Variants in SENP6 observed in about 807,000 individuals in gnomAD.
SENP6 encodes the protein SUMO specific peptidase 6.
In SENP6, 41 loss-of-function variants were observed where a neutral mutation model predicts 134.5. That is an observed-to-expected ratio of 0.30 (90% CI 0.24 to 0.40). The LOEUF (loss-of-function observed/expected upper bound fraction) is 0.40. Ranked by LOEUF, SENP6 falls within the 10% of genes least tolerant of loss-of-function variation. The pLI is 1.00. For missense variants in SENP6, 1,248 were observed against 1,312.5 expected (o/e 0.95, Z 0.76); for synonymous variants, 395 against 429.8 (o/e 0.92, Z 1.00).
Position 75,703,386 on chromosome 6 carries a change from T to A in SENP6, c.2716+314T>A, listed in dbSNP as rs1775176944. ...AATTTATACTGAGGTATAATTATAA[T>A]AGCATTCACTCATTTAATGAGTGTA... is the stretch of plus-strand genomic sequence containing the variant. On this transcript the variant is annotated intron_variant, in intron 19 of 23. Coordinates refer to ENST00000447266, the MANE Select transcript of SENP6 (RefSeq NM_015571.4). Among the ~76,000 whole-genome samples, 8 of 152,364 alleles carry A rather than the reference T, an allele frequency of 5.3e-5. No homozygotes were observed. The South Asian group carries it at 1.7e-3, about 32-fold the overall frequency.
At chr6:75,649,523 G>A (rs1770708617) in intron 7 of SENP6, among the ~76,000 whole-genome samples, 1 of 152,012 alleles carries the variant, frequency 6.6e-6, no homozygotes, top group African/African-American at 2.4e-5. Flanking sequence ...TTTGTTTGTT[G>A]TTGTTGTTTT....
At chr6:75,634,206 A>G (rs1244695395) in intron 4 of SENP6, among the ~76,000 whole-genome samples, 2 of 152,210 alleles carry the variant, frequency 1.3e-5, no homozygotes, top group Non-Finnish European at 2.9e-5. Flanking sequence ...CTCAATTTAT[A>G]CATAGACAAA....
At chr6:75,615,256 C>T (rs1582668512) in intron 1 of SENP6, among the ~76,000 whole-genome samples, 1 of 152,104 alleles carries the variant, frequency 6.6e-6, no homozygotes, top group Admixed American at 6.6e-5. Context: ...TCTCAGCTCA[C>T]TCAACCTCTG....
intron 19 of SENP6, among the ~76,000 whole-genome samples, chr6:75,708,359 A>T (rs534266177): frequency 1.0e-3 from 155 of 152,138 alleles, no homozygotes; most frequent in African/African-American, 3.6e-3. Flanking sequence ...TTATTAACTT[A>T]TACCAAAATT....
chr6:75,645,837 G>A (rs1198771567), intron 6 of SENP6, among the ~76,000 whole-genome samples: 1 of 152,072 alleles, frequency 6.6e-6, no homozygotes, highest in African/African-American at 2.4e-5. Flanking sequence ...AAAAAATATA[G>A]CAAATATTGA....
rs563400983 is a variant in SENP6, at chr6:75,684,262, T to A, written c.2075+5335T>A. On this transcript the variant is annotated intron_variant, in intron 16 of 23. Transcript: ENST00000447266. ...ACATTGATTTTGTATCCTGAGACTT[T>A]GCTGAAGTTGCTTATCAGCATAAGG... Among the ~76,000 whole-genome samples, 581 of 152,350 alleles carry A rather than the reference T, an allele frequency of 3.8e-3. 5 individuals carry two copies. The highest frequency in any genetic ancestry group is 6.8e-3 in the Middle Eastern group (2 of 294).
chr6:75,664,391 T>TA (rs1424358884), intron 9 of SENP6, among the ~76,000 whole-genome samples: 3 of 152,238 alleles, frequency 2.0e-5, no homozygotes, highest in African/African-American at 7.2e-5. Flanking sequence ...TGTACACACA[T>TA]ACGTCTGTAT....
In SENP6 at chr6:75,711,466, C is replaced by T. The variant is rs760440543; in HGVS notation, c.2909+50C>T. ...AAACTACATAATTTTTAAGTATGCTCATAAAACATAACAGGACAGTTTTTT... is the reference window on the plus strand; with the variant it reads ...AAACTACATAATTTTTAAGTATGCTTATAAAACATAACAGGACAGTTTTTT... On this transcript the variant is annotated intron_variant, in intron 21 of 23. Transcript: ENST00000447266. The T allele has an allele frequency of 5.8e-6, 7 of 1,200,382 alleles. No individual in the cohort carries two copies. In the Admixed American group the frequency reaches 8.4e-5, roughly 14 times the overall value. The allele number at this position is 1,200,382 out of a possible 1,614,324, so 74.4% of individuals were successfully genotyped here. A position where few individuals can be genotyped will look rare whatever the true frequency, so the allele number is the denominator to read the frequency against.
At chr6:75,650,425 C>T (rs1197994696) in intron 7 of SENP6, among the ~76,000 whole-genome samples, 1 of 152,186 alleles carries the variant, frequency 6.6e-6, no homozygotes, top group Non-Finnish European at 1.5e-5. Flanking sequence ...CTGATTTTAG[C>T]ATCCATTGGT....
intron 1 of SENP6, among the ~76,000 whole-genome samples, chr6:75,607,142 G>C (rs1433183150): frequency 6.6e-6 from 1 of 152,094 alleles, no homozygotes; most frequent in Non-Finnish European, 1.5e-5. Flanking sequence ...GAGCCCAGGA[G>C]TTGGAGACCA....
At chr6:75,609,524 T>C (rs1160369134) in intron 1 of SENP6, among the ~76,000 whole-genome samples, 2 of 152,216 alleles carry the variant, frequency 1.3e-5, no homozygotes, top group East Asian at 3.8e-4. Context: ...TTTGCAGCTA[T>C]CTTTAATCTA....
At position 75,675,466 on chromosome 6, in the gene SENP6, A is replaced by G; in HGVS notation, c.1424A>G (p.Asp475Gly). The G allele has an allele frequency of 6.9e-7, 1 of 1,448,798 alleles. No homozygotes were observed. 89.7% of individuals were successfully genotyped at this position (1,448,798 alleles called of 1,614,324 possible). A position where few individuals can be genotyped will look rare whatever the true frequency, so the allele number is the denominator to read the frequency against. Residue 475 changes from aspartate (D) to glycine (G), a missense_variant and splice_region_variant, in exon 12 of 24, where the codon GAC becomes GGC. Coordinates refer to ENST00000447266, the MANE Select transcript of SENP6 (RefSeq NM_015571.4). ...FCLDFIKIQL[D>G]EPDHDPVEII... ...TTAGATTTTATCAAGATACAGCTAG[A>G]CGGTAAGCTATTTTATGTCTTTTTA...
chr6:75,697,648 G>A, intron 18 of SENP6, 131 bp downstream of exon 18: 4 of 617,304 alleles, frequency 6.5e-6, no homozygotes, highest in Admixed American at 3.0e-5. Flanking sequence ...ATTCATATTT[G>A]TACTGCCTGT....
chr6:75,705,998 G>A (rs1031925907), intron 19 of SENP6, among the ~76,000 whole-genome samples: 5 of 129,092 alleles, frequency 3.9e-5, no homozygotes, highest in South Asian at 2.5e-4. Flanking sequence ...GTGCAGTGGC[G>A]TAATCTTGTC....
chr6:75,665,168 C>T (rs1391344665), intron 9 of SENP6, among the ~76,000 whole-genome samples: 1 of 152,106 alleles, frequency 6.6e-6, no homozygotes, highest in Non-Finnish European at 1.5e-5. Context: ...TGCCTGTAGT[C>T]CCAGCTACTC....
At chr6:75,682,550 C>A (rs187952966) in intron 16 of SENP6, among the ~76,000 whole-genome samples, 33 of 152,144 alleles carry the variant, frequency 2.2e-4, no homozygotes, top group African/African-American at 7.7e-4. Context: ...TGCTATCCCT[C>A]CCCCAGCCCT....
At chr6:75,610,328 G>A (rs1767348358) in intron 1 of SENP6, among the ~76,000 whole-genome samples, 1 of 152,154 alleles carries the variant, frequency 6.6e-6, no homozygotes, top group African/African-American at 2.4e-5. Flanking sequence ...AATCCACTAA[G>A]TCACAGACTG....
intron 3 of SENP6, among the ~76,000 whole-genome samples, chr6:75,627,610 A>G (rs1041056583): frequency 6.6e-6 from 1 of 152,190 alleles, no homozygotes; most frequent in Non-Finnish European, 1.5e-5. Context: ...ATAAAAATAA[A>G]AAATAAAAGA....
intron 7 of SENP6, among the ~76,000 whole-genome samples, chr6:75,648,410 CTT>C (rs1371440841): frequency 6.6e-6 from 1 of 151,892 alleles, no homozygotes; most frequent in Non-Finnish European, 1.5e-5. Context: ...TTTCTGAGGC[CTT>C]TGTTTGTTTA....
Sources: gnomAD v4.1 joint callset for allele counts (sites outside exome capture counted in the v4.1 genomes callset) on GRCh38, gnomAD v4.1.1 for gene constraint, MANE v1.5 for transcripts, NCBI Gene and HGNC (gene_info 2026-07-23, HGNC 2026-07-21) for gene names.